SLC4A10: variants seen among roughly 807,000 people sequenced by gnomAD.
SLC4A10 encodes the protein solute carrier family 4 member 10.
Under a neutral mutation model 137.7 loss-of-function variants are expected in SLC4A10, and 42 were observed. The ratio of observed to expected loss-of-function variants is 0.30; its 90% CI spans 0.24 to 0.39. The LOEUF is 0.39. Ranked by LOEUF, SLC4A10 falls within the 10% of genes least tolerant of loss-of-function variation. The pLI is 1.00. For missense variants in SLC4A10, 925 were observed against 1,355.0 expected, an observed-to-expected ratio of 0.68 and a Z score of 4.98; for synonymous variants, 474 against 464.1, an observed-to-expected ratio of 1.02 and a Z score of -0.27.
chr2:161,724,241 T>C (rs970845365), intron 1 of SLC4A10, among the ~76,000 whole-genome samples: 1 of 152,228 alleles, frequency 6.6e-6, no homozygotes, highest in East Asian at 1.9e-4. Context: ...GTACTCCTTC[T>C]AAAATGTAAA....
intron 1 of SLC4A10, among the ~76,000 whole-genome samples, chr2:161,686,850 AT>A (rs895820367): frequency 6.6e-6 from 1 of 151,136 alleles, no homozygotes; most frequent in African/African-American, 2.4e-5. Flanking sequence ...CTGGTTGCCC[AT>A]TTTTTTGGTT....
At chr2:161,759,035 A>G (rs1181291386) in intron 1 of SLC4A10, among the ~76,000 whole-genome samples, 1 of 152,000 alleles carries the variant, frequency 6.6e-6, no homozygotes, top group African/African-American at 2.4e-5. Context: ...AGGTCCATCA[A>G]TTTATTGGCT....
chr2:161,818,510 C>T (rs1559320791), intron 3 of SLC4A10, among the ~76,000 whole-genome samples: 1 of 152,156 alleles, frequency 6.6e-6, no homozygotes, highest in Admixed American at 6.5e-5. Context: ...ACTTCCAACA[C>T]TATGTTGAAT....
chr2:161,699,320 G>A (rs2042894814), intron 1 of SLC4A10, among the ~76,000 whole-genome samples: 1 of 151,976 alleles, frequency 6.6e-6, no homozygotes, highest in African/African-American at 2.4e-5. Flanking sequence ...GCACCCGGCC[G>A]ACATTTATTA....
At chr2:161,724,540 G>C (rs900244371) in intron 1 of SLC4A10, among the ~76,000 whole-genome samples, 3 of 152,156 alleles carry the variant, frequency 2.0e-5, no homozygotes, top group Non-Finnish European at 4.4e-5. Context: ...CTTTAGTGCA[G>C]CGTGCTATGG....
intron 15 of SLC4A10, among the ~76,000 whole-genome samples, chr2:161,938,544 CGAT>C (rs893601205): frequency 2.0e-5 from 3 of 150,478 alleles, no homozygotes; most frequent in Admixed American, 6.7e-5. Flanking sequence ...AATCTATTAT[CGAT>C]AATAATAATC....
intron 1 of SLC4A10, among the ~76,000 whole-genome samples, chr2:161,677,505 A>G (rs1257098768): frequency 6.6e-6 from 1 of 152,222 alleles, no homozygotes; most frequent in Admixed American, 6.5e-5. Context: ...CTTGAGATAC[A>G]GAATATTTTT....
chr2:161,929,848 TAC>T (rs1198957337), intron 15 of SLC4A10, among the ~76,000 whole-genome samples: 2 of 152,002 alleles, frequency 1.3e-5, no homozygotes, highest in Non-Finnish European at 2.9e-5. Context: ...TCACAATTTA[TAC>T]AGAAAAAAAA....
chr2:161,681,497 C>G (rs1013652791), intron 1 of SLC4A10, among the ~76,000 whole-genome samples: 13 of 152,064 alleles, frequency 8.5e-5, no homozygotes, highest in African/African-American at 3.1e-4. Flanking sequence ...ATTTTCTAAT[C>G]CTAAATTTCT....
chr2:161,985,118 T>G lies in SLC4A10; in HGVS notation c.*1966T>G, dbSNP rs1024044809. The stretch of plus-strand genomic sequence containing the variant: ...TAGTATTATATATTTACTTCTAATT[T>G]CAGATTCCTGGTCAAAATTACTAAA... On this transcript the variant is annotated 3_prime_UTR_variant, in exon 27 of 27. Coordinates refer to ENST00000446997, the MANE Select transcript of SLC4A10 (RefSeq NM_001178015.2). The G allele has an allele frequency of 1.3e-5, 2 of 152,048 alleles. No individual in the cohort carries two copies. Among genetic ancestry groups the G allele is most frequent in the Non-Finnish European group, 2.9e-5 (2 of 67,936 alleles). 9.4% of individuals were successfully genotyped at this position (152,048 alleles called of 1,614,324 possible). A position where few individuals can be genotyped will look rare whatever the true frequency, so the allele number is the denominator to read the frequency against.
At chr2:161,738,464 C>T (rs572594277) in intron 1 of SLC4A10, among the ~76,000 whole-genome samples, 3 of 152,248 alleles carry the variant, frequency 2.0e-5, no homozygotes, top group South Asian at 4.1e-4. Flanking sequence ...GGTAGAGAAA[C>T]ATCTGCATTA....
At chr2:161,711,896 T>C (rs532503425) in intron 1 of SLC4A10, among the ~76,000 whole-genome samples, 2 of 151,950 alleles carry the variant, frequency 1.3e-5, no homozygotes, top group African/African-American at 2.4e-5. Flanking sequence ...AGTTAATGTA[T>C]GTGAAACACT....
At chr2:161,701,646 A>G (rs887220362) in intron 1 of SLC4A10, among the ~76,000 whole-genome samples, 2 of 151,898 alleles carry the variant, frequency 1.3e-5, no homozygotes, top group African/African-American at 4.8e-5. Flanking sequence ...TAATCTCCCT[A>G]CTATAACAGT....
At chr2:161,703,820 A>G (rs1490733320) in intron 1 of SLC4A10, among the ~76,000 whole-genome samples, 1 of 151,716 alleles carries the variant, frequency 6.6e-6, no homozygotes, top group Non-Finnish European at 1.5e-5. Flanking sequence ...TATTTGAGGC[A>G]CAAACACTTC....
chr2:161,748,472 G>GTGTGTGT (rs61129029), intron 1 of SLC4A10, among the ~76,000 whole-genome samples: 1 of 150,204 alleles, frequency 6.7e-6, no homozygotes, highest in Admixed American at 6.6e-5. Context: ...GTGTGTGTGT[G>GTGTGTGT]GTGTAAGATA....
intron 1 of SLC4A10, among the ~76,000 whole-genome samples, chr2:161,689,354 A>G (rs915056304): frequency 6.6e-6 from 1 of 152,116 alleles, no homozygotes; most frequent in Admixed American, 6.5e-5. Flanking sequence ...ATATGGGTGT[A>G]CCATTTTTTA....
intron 15 of SLC4A10, among the ~76,000 whole-genome samples, chr2:161,908,232 G>A (rs1462445739): frequency 6.6e-6 from 1 of 152,074 alleles, no homozygotes; most frequent in Non-Finnish European, 1.5e-5. Context: ...GTATCACAAA[G>A]TCTTTAGAGA....
At chr2:161,923,756 A>G (rs1688555808) in intron 15 of SLC4A10, among the ~76,000 whole-genome samples, 2 of 152,162 alleles carry the variant, frequency 1.3e-5, no homozygotes, top group East Asian at 3.9e-4. Flanking sequence ...GCACACCAAC[A>G]TGGCACATGT....
intron 11 of SLC4A10, among the ~76,000 whole-genome samples, chr2:161,896,229 T>G (rs1417336780): frequency 1.3e-5 from 2 of 151,840 alleles, no homozygotes; most frequent in African/African-American, 2.4e-5. Context: ...GTTGTAGATA[T>G]GCAGCGTTAT....
Sources: allele counts gnomAD v4.1 joint callset (sites outside exome capture counted in the v4.1 genomes callset), GRCh38; gene constraint gnomAD v4.1.1; transcripts MANE v1.5; gene names NCBI Gene and HGNC (gene_info 2026-07-23, HGNC 2026-07-21).